SYCP1: variants seen among roughly 807,000 people sequenced by gnomAD.
SYCP1 encodes the protein cancer/testis antigen 8.
Under a neutral mutation model 153.1 loss-of-function variants are expected in SYCP1, and 64 were observed. That is an observed-to-expected ratio of 0.42 (90% CI 0.34 to 0.51). The LOEUF is 0.51. Ranked by LOEUF, SYCP1 falls within the 20% of genes least tolerant of loss-of-function variation. The pLI is 0.06. For synonymous variants in SYCP1, 384 were observed against 341.8 expected, an observed-to-expected ratio of 1.12 and a Z score of -1.36; for missense variants, 997 against 1,049.0, an observed-to-expected ratio of 0.95 and a Z score of 0.68.
At chr1:114,948,319 AT>A (rs887274387) in intron 27 of SYCP1, among the ~76,000 whole-genome samples, 4 of 152,118 alleles carry the variant, frequency 2.6e-5, no homozygotes, top group Non-Finnish European at 4.4e-5. Context: ...ATATCCCACA[AT>A]TTATTATTAT....
intron 16 of SYCP1, among the ~76,000 whole-genome samples, chr1:114,907,706 C>T (rs1158377530): frequency 2.6e-5 from 4 of 151,778 alleles, no homozygotes; most frequent in East Asian, 1.9e-4. Flanking sequence ...CTCAGCCTCC[C>T]GAGTAGCTGG....
intron 27 of SYCP1, among the ~76,000 whole-genome samples, chr1:114,972,722 T>C (rs1015154410): frequency 1.3e-5 from 2 of 152,156 alleles, no homozygotes; most frequent in Non-Finnish European, 2.9e-5. Flanking sequence ...AAATTCCCTT[T>C]GTTATTGATT....
intron 14 of SYCP1, among the ~76,000 whole-genome samples, chr1:114,887,244 C>T: frequency 6.6e-6 from 1 of 151,982 alleles, no homozygotes; most frequent in East Asian, 1.9e-4. Flanking sequence ...AGAAGTTAAC[C>T]AAATTATACA....
At chr1:114,878,293 G>A in intron 12 of SYCP1, 91 bp downstream of exon 12, 1 of 858,630 alleles carries the variant, frequency 1.2e-6, no homozygotes, top group Non-Finnish European at 1.9e-6. Flanking sequence ...TTGTTGTAAT[G>A]CTTTCTAGTA....
At chr1:114,901,196 TCC>T (rs1461141654) in intron 16 of SYCP1, among the ~76,000 whole-genome samples, 1 of 152,048 alleles carries the variant, frequency 6.6e-6, no homozygotes, top group East Asian at 1.9e-4. Context: ...CAGAGGTCTC[TCC>T]CCACTCAGAT....
At chr1:114,931,641 A>G (rs1460187695) in intron 23 of SYCP1, among the ~76,000 whole-genome samples, 1 of 152,180 alleles carries the variant, frequency 6.6e-6, no homozygotes, top group Non-Finnish European at 1.5e-5. Context: ...TGTTTTTAAA[A>G]TGTCAGATTT....
chr1:114,911,616 T>A, intron 18 of SYCP1, 34 bp downstream of exon 18: 1 of 1,168,420 alleles, frequency 8.6e-7, no homozygotes, highest in Non-Finnish European at 1.2e-6. Flanking sequence ...ATAGTTTATG[T>A]ACTCAATTCC....
At chr1:114,896,000 G>A (rs1358353655) in intron 16 of SYCP1, among the ~76,000 whole-genome samples, 2 of 152,080 alleles carry the variant, frequency 1.3e-5, no homozygotes, top group Admixed American at 1.3e-4. Flanking sequence ...CAGTTTGTGG[G>A]CCATACATGG....
At chr1:114,922,239 C>T (rs184542330) in intron 20 of SYCP1, among the ~76,000 whole-genome samples, 106 of 152,248 alleles carry the variant, frequency 7.0e-4, no homozygotes, top group Admixed American at 2.4e-3. Context: ...TCTGTCTCTA[C>T]CTCCTCTTTA....
chr1:114,910,150 A>G, intron 16 of SYCP1: 1 of 252,358 alleles, frequency 4.0e-6, no homozygotes, highest in Non-Finnish European at 7.8e-6. Context: ...GGATAGTAGA[A>G]GGAATGATGA....
rs750591776 is a variant in SYCP1 at position 114,856,580 on chromosome 1, A to G, written c.116A>G (p.Asn39Ser). ...GGDSTFFKSF[N>S]KCTEDDFEFP... ...ACTTCTTTGTGTCTCTAGAGTTTCA[A>G]CAAATGTACTGAAGATGATTTTGAG... Residue 39 changes from asparagine to serine, a missense_variant, in exon 3 of 32, where the codon AAC (asparagine) becomes AGC (serine). By Grantham distance (46) the Asn-to-Ser change is conservative. Coordinates refer to ENST00000369522, the MANE Select transcript of SYCP1 (RefSeq NM_003176.4). The G allele has an allele frequency of 6.2e-7, 1 of 1,609,786 alleles. No homozygotes were observed. Among genetic ancestry groups the G allele is most frequent in the South Asian group, 1.1e-5 (1 of 90,106 alleles).
chr1:114,947,162 T>C (rs1226253277), intron 26 of SYCP1, 84 bp from the exon 27 acceptor site: 1 of 990,080 alleles, frequency 1.0e-6, no homozygotes, highest in African/African-American at 1.6e-5. Flanking sequence ...CAATATTAAA[T>C]TTACTCAGAG....
chr1:114,974,127 T>A (rs1672663821), intron 27 of SYCP1, among the ~76,000 whole-genome samples: 1 of 151,892 alleles, frequency 6.6e-6, no homozygotes. Flanking sequence ...GAATCTGTAA[T>A]CCAAGAGTCT....
chr1:114,901,177 T>C (rs532321241), intron 16 of SYCP1, among the ~76,000 whole-genome samples: 3 of 152,270 alleles, frequency 2.0e-5, no homozygotes, highest in Admixed American at 6.5e-5. Flanking sequence ...TGGGGTTCCA[T>C]GAGGATAGCA....
intron 19 of SYCP1, 60 bp downstream of exon 19, chr1:114,913,210 G>A (rs1483628578): frequency 7.4e-7 from 1 of 1,353,016 alleles, no homozygotes; most frequent in Non-Finnish European, 1.0e-6. Flanking sequence ...GGTTAGAATA[G>A]ATGACCTCTA....
intron 27 of SYCP1, among the ~76,000 whole-genome samples, chr1:114,960,694 A>G (rs927452488): frequency 1.3e-5 from 2 of 152,116 alleles, no homozygotes; most frequent in African/African-American, 2.4e-5. Context: ...CCTGTTTGCC[A>G]TTGGTATATC....
intron 27 of SYCP1, among the ~76,000 whole-genome samples, chr1:114,960,163 G>GTTTTTTTTTTTTTTTTTTTTT (rs757126453): frequency 9.1e-6 from 1 of 109,476 alleles, no homozygotes; most frequent in Non-Finnish European, 1.8e-5. Flanking sequence ...TAGTTTGCTT[G>GTTTTTTTTTTTTTTTTTTTTT]TTTTTTTTTT....
intron 8 of SYCP1, among the ~76,000 whole-genome samples, chr1:114,872,930 T>C (rs1665254170): frequency 1.3e-5 from 2 of 152,148 alleles, no homozygotes; most frequent in Admixed American, 6.5e-5. Context: ...GCTGGGATTA[T>C]GGGAATGAGC....
intron 15 of SYCP1, among the ~76,000 whole-genome samples, chr1:114,894,968 T>G (rs1327513865): frequency 2.0e-5 from 3 of 152,098 alleles, no homozygotes; most frequent in Non-Finnish European, 4.4e-5. Context: ...TAAGGGAAAT[T>G]AAAGATTCCT....
Sources: gnomAD v4.1 joint callset for allele counts (sites outside exome capture counted in the v4.1 genomes callset) on GRCh38, gnomAD v4.1.1 for gene constraint, MANE v1.5 for transcripts, NCBI Gene and HGNC (gene_info 2026-07-23, HGNC 2026-07-21) for gene names.